WNT9A: variants seen among roughly 807,000 people sequenced by gnomAD.
WNT9A encodes the protein Wnt family member 9A, also known as protein Wnt-9a.
Under a neutral mutation model 31.4 loss-of-function variants are expected in WNT9A, and 8 were observed. The observed-to-expected ratio is 0.26, with a 90% CI of 0.15 to 0.46. The LOEUF is 0.46. Ranked by LOEUF, WNT9A falls within the 20% of genes least tolerant of loss-of-function variation. The probability of loss-of-function intolerance (pLI) is 0.99; values close to 1 mark genes in which losing one functional copy is unlikely to be tolerated. For synonymous variants in WNT9A, 236 were observed against 220.1 expected, an observed-to-expected ratio of 1.07 and a Z score of -0.64; for missense variants, 457 against 522.9, an observed-to-expected ratio of 0.87 and a Z score of 1.23.
In WNT9A at chr1:227,919,026, G is replaced by A. The variant is rs560991902; in HGVS notation, c.*2492C>T. ...GGCCTCTTCATCCAGCAAGACATTC[G>A]AATATGTATTTGTATAGAAACCAAC... On this transcript the variant is annotated 3_prime_UTR_variant, in exon 4 of 4. Coordinates refer to ENST00000272164, the MANE Select transcript of WNT9A (RefSeq NM_003395.4). 2.6e-5 allele frequency: 4 copies of A among 152,286 alleles called. No individual in the cohort carries two copies. Among genetic ancestry groups the A allele is most frequent in the Admixed American group, 6.5e-5 (1 of 15,294 alleles). The allele number at this position is 152,286 out of a possible 1,614,324, so 9.4% of individuals were successfully genotyped here.
chr1:227,931,035 T>C (rs1171940365), intron 1 of WNT9A, among the ~76,000 whole-genome samples: 3 of 151,852 alleles, frequency 2.0e-5, no homozygotes, highest in Non-Finnish European at 4.4e-5. Context: ...TGTTATCAAA[T>C]GTCATCCCTA....
chr1:227,923,271 A>C (rs1203305158), intron 3 of WNT9A, among the ~76,000 whole-genome samples: 1 of 152,118 alleles, frequency 6.6e-6, no homozygotes, highest in Non-Finnish European at 1.5e-5. Context: ...GGGGCTCTAC[A>C]TTCCCAGCCT....
chr1:227,930,999 C>CAAA (rs34833730), intron 1 of WNT9A, among the ~76,000 whole-genome samples: 5 of 142,498 alleles, frequency 3.5e-5, no homozygotes, highest in African/African-American at 7.7e-5. Flanking sequence ...GACTCCGTCT[C>CAAA]AAAAAAAAAA....
intron 1 of WNT9A, among the ~76,000 whole-genome samples, chr1:227,934,602 CTTCT>C (rs1666559740): frequency 6.6e-6 from 1 of 152,148 alleles, no homozygotes; most frequent in South Asian, 2.1e-4. Context: ...CAATGTCTTC[CTTCT>C]ATTTCCTTTC....
chr1:227,937,527 C>T (rs1459422095), intron 1 of WNT9A, among the ~76,000 whole-genome samples: 1 of 152,248 alleles, frequency 6.6e-6, no homozygotes, highest in Non-Finnish European at 1.5e-5. Flanking sequence ...TCATCCCAGA[C>T]ATGGTGGGCT....
chr1:227,928,119 C>A lies in WNT9A; in HGVS notation c.96-2600G>T. Among the ~76,000 whole-genome samples the A allele has an allele frequency of 6.6e-6, 1 of 152,234 alleles. No individual in the cohort carries two copies. The highest frequency in any genetic ancestry group is 1.5e-5 in the Non-Finnish European group (1 of 68,004). On this transcript the variant is annotated intron_variant, in intron 1 of 3. Coordinates refer to ENST00000272164, the MANE Select transcript of WNT9A (RefSeq NM_003395.4). This position sits in a 1 kb window ranked among gnomAD's most constrained non-coding sequence, Gnocchi z 4.5. ...CACTGGTCAGTGTGAGGCCCGAGCA[C>A]GCCGGGGCACTGAGAGCTGGTTTGA...
At chr1:227,927,135 C>T (rs1168344480) in intron 1 of WNT9A, among the ~76,000 whole-genome samples, 4 of 152,132 alleles carry the variant, frequency 2.6e-5, no homozygotes, top group Non-Finnish European at 1.5e-5. Context: ...ACCCATGAGC[C>T]CTCGGAGTTG....
At chr1:227,931,632 T>A (rs1666511733) in intron 1 of WNT9A, among the ~76,000 whole-genome samples, 1 of 152,296 alleles carries the variant, frequency 6.6e-6, no homozygotes, top group South Asian at 2.1e-4. Flanking sequence ...TCACATGAGT[T>A]TTTTTGTTTC....
At position 227,924,338 on chromosome 1, in the gene WNT9A, T is replaced by C. The variant is rs1461599903; in HGVS notation, c.415A>G (p.Lys139Glu). The change falls in exon 3 of 4, where the codon AAG becomes GAG. Residue 139 changes from lysine (K) to glutamate (E), a missense_variant. Physicochemically the swap from Lys to Glu is moderately conservative, Grantham distance 56. Coordinates refer to ENST00000272164, the MANE Select transcript of WNT9A (RefSeq NM_003395.4). ...SSAGLTHALAKACSAGRMERC... is the reference protein window; with the variant it reads ...SSAGLTHALAEACSAGRMERC... ...TCCATGCGGCCCGCGCTGCACGCCT[T>C]GGCCAGTGCGTGCGTCAGGCCAGCC... The C allele has an allele frequency of 6.2e-7, 1 of 1,613,584 alleles. No individual in the cohort carries two copies. The highest frequency in any genetic ancestry group is 8.5e-7 in the Non-Finnish European group (1 of 1,179,966).
At chr1:227,944,255 A>G (rs1666760964) in intron 1 of WNT9A, among the ~76,000 whole-genome samples, 1 of 152,208 alleles carries the variant, frequency 6.6e-6, no homozygotes, top group Admixed American at 6.5e-5. Context: ...TGAGTGAGAG[A>G]AGCCAGGCGC....
intron 1 of WNT9A, among the ~76,000 whole-genome samples, chr1:227,938,269 A>T (rs1189617860): frequency 4.0e-5 from 6 of 150,694 alleles, no homozygotes. Flanking sequence ...ACACCCCCAT[A>T]CAAACCCATA....
rs1666282580 is a variant in WNT9A, at chr1:227,920,014, A to C, written c.*1504T>G. 1 of 152,338 alleles carries C rather than the reference A, an allele frequency of 6.6e-6. No individual in the cohort carries two copies. Among genetic ancestry groups the C allele is most frequent in the Non-Finnish European group, 1.5e-5 (1 of 68,122 alleles). 9.4% of individuals were successfully genotyped at this position (152,338 alleles called of 1,614,324 possible). A position where few individuals can be genotyped will look rare whatever the true frequency, so the allele number is the denominator to read the frequency against. Reference sequence around the variant, plus strand: ...CTGTCCCAATCTGTCCCCCAGTGACACAAAGCAAGCAGCTTCCTCATGACA... The same window carrying C: ...CTGTCCCAATCTGTCCCCCAGTGACCCAAAGCAAGCAGCTTCCTCATGACA... On this transcript the variant is annotated 3_prime_UTR_variant, in exon 4 of 4. Transcript: ENST00000272164.
At chr1:227,943,077 A>G (rs1666733848) in intron 1 of WNT9A, among the ~76,000 whole-genome samples, 1 of 152,202 alleles carries the variant, frequency 6.6e-6, no homozygotes, top group South Asian at 2.1e-4. Context: ...TCCTGCCCAC[A>G]GCCAGCAGCC....
At position 227,922,163 on chromosome 1, in the gene WNT9A, C is replaced by T. The variant is rs79963078; in HGVS notation, c.616-163G>A. 7.2e-3 allele frequency among the ~76,000 whole-genome samples: 1,089 copies of T among 152,270 alleles called. 20 individuals are homozygous for T. The highest frequency in any genetic ancestry group is 0.023 in the African/African-American group (955 of 41,574). On this transcript the variant is annotated intron_variant, in intron 3 of 3. Coordinates refer to ENST00000272164, the MANE Select transcript of WNT9A (RefSeq NM_003395.4). ...ACATCTCACATCCAGCTCAGTCTCC[C>T]GGCTCGTAGCATTGTCCTACCTCCT...
At chr1:227,940,900 C>G (rs1432464718) in intron 1 of WNT9A, among the ~76,000 whole-genome samples, 1 of 152,190 alleles carries the variant, frequency 6.6e-6, no homozygotes, top group African/African-American at 2.4e-5. Flanking sequence ...CCAGTGCCAC[C>G]CAGGTCAGCA....
At chr1:227,945,388 C>T (rs1666778444) in intron 1 of WNT9A, among the ~76,000 whole-genome samples, 1 of 152,166 alleles carries the variant, frequency 6.6e-6, no homozygotes, top group Non-Finnish European at 1.5e-5. Flanking sequence ...CAAGGGGAGC[C>T]TCTTCCCCAC....
chr1:227,943,970 G>A (rs1454919214), intron 1 of WNT9A, among the ~76,000 whole-genome samples: 5 of 152,136 alleles, frequency 3.3e-5, no homozygotes, highest in African/African-American at 1.2e-4. Context: ...GACAGAGCAA[G>A]ACTCTGTCTC....
chr1:227,923,483 G>A (rs1666360667), intron 3 of WNT9A, among the ~76,000 whole-genome samples: 1 of 152,200 alleles, frequency 6.6e-6, no homozygotes, highest in African/African-American at 2.4e-5. Context: ...AGGATGACCA[G>A]AGAGCCAGGG....
chr1:227,944,276 C>T (rs945382950), intron 1 of WNT9A, among the ~76,000 whole-genome samples: 3 of 152,164 alleles, frequency 2.0e-5, no homozygotes, highest in South Asian at 2.1e-4. Context: ...GGAGGCCACA[C>T]GGCATAGGAT....
Sources: allele counts gnomAD v4.1 joint callset (sites outside exome capture counted in the v4.1 genomes callset), GRCh38; gene constraint gnomAD v4.1.1; non-coding constraint Gnocchi (gnomAD v3.1); transcripts MANE v1.5; gene names NCBI Gene and HGNC (gene_info 2026-07-23, HGNC 2026-07-21).